MBNL3: variants seen among roughly 807,000 people sequenced by gnomAD.
MBNL3 encodes the protein muscleblind-like protein 3.
MBNL3 carries 6 observed loss-of-function variants against 24.5 expected under a neutral mutation model. That is an observed-to-expected ratio of 0.25 (90% CI 0.13 to 0.48). The LOEUF (loss-of-function observed/expected upper bound fraction) is 0.48, where lower values mean the gene tolerates loss of function less well. Among genes scored for constraint, MBNL3 ranks in the 20% least tolerant of loss-of-function variants. The pLI, the probability that MBNL3 is intolerant of heterozygous loss-of-function variation, is 0.99. For missense variants in MBNL3, 230 were observed against 293.5 expected (o/e 0.78, Z 1.58); for synonymous variants, 100 against 101.7 (o/e 0.98, Z 0.10).
At chrX:132,396,290 C>A (rs986485389) in intron 3 of MBNL3, among the ~76,000 whole-genome samples, 3 of 100,082 alleles carry the variant, frequency 3.0e-5, no homozygotes, top group Admixed American at 1.2e-4. Flanking sequence ...TGAAATTCTC[C>A]AACGCTTTCA....
chrX:132,425,235 C>A (rs941590204), intron 2 of MBNL3, among the ~76,000 whole-genome samples: 1 of 111,460 alleles, frequency 9.0e-6, no homozygotes, highest in Non-Finnish European at 1.9e-5. Flanking sequence ...ACCTCAGGAT[C>A]GCCTGTACAG....
At chrX:132,396,877 C>CATATATATTCAT (rs1383012363) in intron 3 of MBNL3, among the ~76,000 whole-genome samples, 3 of 49,257 alleles carry the variant, frequency 6.1e-5, no homozygotes, top group Non-Finnish European at 1.0e-4. Flanking sequence ...TTCATATATA[C>CATATATATTCAT]ATATATATTC....
rs965818010 is a variant in MBNL3 at position 132,376,644 on chromosome X, C to G, written c.*3022G>C. 1.8e-5 allele frequency: 2 copies of G among 111,205 alleles called. No homozygotes were observed. Among genetic ancestry groups the G allele is most frequent in the African/African-American group, 6.5e-5 (2 of 30,686 alleles). 9.2% of individuals were successfully genotyped at this position (111,205 alleles called of 1,213,427 possible). A position where few individuals can be genotyped will look rare whatever the true frequency, so the allele number is the denominator to read the frequency against. ...TTAGAATTTTATATATACAATTCAT[C>G]CAGTAAATTTTTGTTTAGAGTCACT... On this transcript the variant is annotated 3_prime_UTR_variant, in exon 9 of 9. Coordinates refer to ENST00000370853, the MANE Select transcript of MBNL3 (RefSeq NM_001386889.1).
chrX:132,382,704 T>C (rs933877068), intron 7 of MBNL3, among the ~76,000 whole-genome samples: 1 of 112,288 alleles, frequency 8.9e-6, no homozygotes, highest in Non-Finnish European at 1.9e-5. Flanking sequence ...TAAGGAATCA[T>C]AAATTGGAAT....
intron 2 of MBNL3, among the ~76,000 whole-genome samples, chrX:132,424,914 T>C (rs893034058): frequency 1.2e-4 from 13 of 110,900 alleles, no homozygotes; most frequent in African/African-American, 4.3e-4. Flanking sequence ...TGTTTTATCA[T>C]TTCAAAGATG....
chrX:132,391,212 C>G (rs1937122815), intron 4 of MBNL3, 129 bp from the exon 5 acceptor site: 1 of 467,555 alleles, frequency 2.1e-6, no homozygotes, highest in Non-Finnish European at 3.6e-6. Flanking sequence ...GTGAACAAAT[C>G]TAAAAAGATA....
chrX:132,474,113 TA>T (rs766574780), intron 1 of MBNL3, among the ~76,000 whole-genome samples: 2 of 111,543 alleles, frequency 1.8e-5, no homozygotes, highest in East Asian at 5.6e-4. Flanking sequence ...TGAGGTTTGT[TA>T]TTTTTTTTAT....
At chrX:132,394,869 A>G (rs1197096461) in intron 3 of MBNL3, among the ~76,000 whole-genome samples, 1 of 111,670 alleles carries the variant, frequency 9.0e-6, no homozygotes, top group Non-Finnish European at 1.9e-5. Context: ...ATATGCTCCA[A>G]GTGTATGGAA....
At chrX:132,476,458 T>C (rs1947443203) in intron 1 of MBNL3, among the ~76,000 whole-genome samples, 1 of 111,588 alleles carries the variant, frequency 9.0e-6, no homozygotes, top group South Asian at 3.7e-4. Flanking sequence ...TAAGGAGTTC[T>C]CCAAACAAAA....
chrX:132,452,843 T>A (rs887537162), intron 1 of MBNL3, among the ~76,000 whole-genome samples: 7 of 112,502 alleles, frequency 6.2e-5, no homozygotes, highest in Non-Finnish European at 7.5e-5. Context: ...ATATATGATA[T>A]GTCTGCAAAC....
In MBNL3 at chrX:132,406,372, G is replaced by A; in HGVS notation, c.198C>T (p.Asn66=). 8.3e-7 allele frequency: 1 copy of A among 1,201,233 alleles called. No homozygotes were observed. ...GTGGAGGAGGGTGAAGGTACTTGCA[G>A]TTCTCTCGGGTACACCGACCCTGAC... ...DSLKGRCTRE[N]CKYLHPPPHL... is the part of the protein sequence containing the mutation. The change falls in exon 3 of 9, where the codon AAC becomes AAT. Residue 66 remains asparagine (N), a synonymous_variant. Coordinates refer to ENST00000370853, the MANE Select transcript of MBNL3 (RefSeq NM_001386889.1).
chrX:132,386,017 C>A, intron 6 of MBNL3, among the ~76,000 whole-genome samples: 1 of 111,160 alleles, frequency 9.0e-6, no homozygotes, highest in Non-Finnish European at 1.9e-5. Context: ...AGTTTCCCCC[C>A]AATATATGAT....
chrX:132,432,493 A>G (rs1384805321), intron 2 of MBNL3: 1 of 110,813 alleles, frequency 9.0e-6, no homozygotes, highest in African/African-American at 3.3e-5. Context: ...TCACTCACCC[A>G]TCTACTGCCC....
At chrX:132,484,924 T>TAC (rs1354677583) in intron 1 of MBNL3, among the ~76,000 whole-genome samples, 1 of 102,703 alleles carries the variant, frequency 9.7e-6, no homozygotes, top group African/African-American at 4.1e-5. Context: ...AAAGGGAGAA[T>TAC]ACACACGCGC....
intron 1 of MBNL3, among the ~76,000 whole-genome samples, chrX:132,474,628 G>C (rs187658238): frequency 9.0e-6 from 1 of 111,440 alleles, no homozygotes; most frequent in Admixed American, 9.5e-5. Context: ...GAGATGTTGC[G>C]CAAGTAGGGC....
At chrX:132,437,705 T>C (rs928458332) in intron 2 of MBNL3, among the ~76,000 whole-genome samples, 2 of 111,283 alleles carry the variant, frequency 1.8e-5, no homozygotes, top group African/African-American at 6.5e-5. Flanking sequence ...ACCTCATTTT[T>C]CCCCCAACTA....
chrX:132,489,316 C>A (rs1021733720), upstream of MBNL3, among the ~76,000 whole-genome samples: 1 of 112,244 alleles, frequency 8.9e-6, no homozygotes, highest in Non-Finnish European at 1.9e-5. Flanking sequence ...CGGGGCCGGC[C>A]GGCGGGCTGT....
intron 1 of MBNL3, among the ~76,000 whole-genome samples, chrX:132,448,031 CTGTT>C (rs1381584840): frequency 8.9e-6 from 1 of 112,151 alleles, no homozygotes; most frequent in Admixed American, 9.4e-5. Flanking sequence ...GTCATTGGTT[CTGTT>C]TATGTTATGG....
intron 2 of MBNL3, chrX:132,432,110 G>A (rs1297791937): frequency 9.0e-6 from 1 of 111,297 alleles, no homozygotes; most frequent in Non-Finnish European, 1.9e-5. Context: ...AAGCAAGGAG[G>A]AAAACAGTAT....
Sources: gnomAD v4.1 joint callset for allele counts (sites outside exome capture counted in the v4.1 genomes callset) on GRCh38, gnomAD v4.1.1 for gene constraint, MANE v1.5 for transcripts, NCBI Gene and HGNC (gene_info 2026-07-23, HGNC 2026-07-21) for gene names.